NRXN3: variants seen among roughly 807,000 people sequenced by gnomAD.
NRXN3 encodes neurexin III.
In NRXN3, 32 loss-of-function variants were observed where a neutral mutation model predicts 137.6. That is an observed-to-expected ratio of 0.23 (90% CI 0.18 to 0.31). The LOEUF (loss-of-function observed/expected upper bound fraction) is 0.31, where lower values mean the gene tolerates loss of function less well. Among genes scored for constraint, NRXN3 ranks in the 10% least tolerant of loss-of-function variants. The pLI, the probability that NRXN3 is intolerant of heterozygous loss-of-function variation, is 1.00. For synonymous variants in NRXN3, 798 were observed against 784.5 expected, an observed-to-expected ratio of 1.02 and a Z score of -0.29; for missense variants, 1,574 against 2,062.5, an observed-to-expected ratio of 0.76 and a Z score of 4.59.
At chr14:79,375,628 T>C (rs1020762199) in intron 15 of NRXN3, among the ~76,000 whole-genome samples, 30 of 152,136 alleles carry the variant, frequency 2.0e-4, no homozygotes, top group Non-Finnish European at 7.3e-5. Flanking sequence ...TTCCGATGAC[T>C]GGCTTGCCCT....
chr14:78,326,709 G>GTTAC (rs752446500), intron 4 of NRXN3, among the ~76,000 whole-genome samples: 5 of 152,206 alleles, frequency 3.3e-5, no homozygotes, highest in Admixed American at 6.5e-5. Context: ...TCGCTCTGAA[G>GTTAC]TTACACATTT....
At chr14:78,564,527 C>T (rs1348739433) in intron 4 of NRXN3, among the ~76,000 whole-genome samples, 2 of 152,208 alleles carry the variant, frequency 1.3e-5, no homozygotes, top group Non-Finnish European at 2.9e-5. Flanking sequence ...TACTCCTCAC[C>T]TATGGGACAT....
intron 20 of NRXN3, among the ~76,000 whole-genome samples, chr14:79,816,350 C>T (rs1255109746): frequency 1.3e-5 from 2 of 152,158 alleles, no homozygotes; most frequent in Non-Finnish European, 2.9e-5. Flanking sequence ...TCGGGTTTCC[C>T]TATTGCCTCA....
intron 10 of NRXN3, among the ~76,000 whole-genome samples, chr14:78,906,957 A>C (rs2099219232): frequency 6.6e-6 from 1 of 152,022 alleles, no homozygotes; most frequent in Non-Finnish European, 1.5e-5. Flanking sequence ...AGAATATGGT[A>C]AAATAATTCG....
chr14:79,351,904 A>G (rs1195094647), intron 15 of NRXN3, among the ~76,000 whole-genome samples: 4 of 152,204 alleles, frequency 2.6e-5, no homozygotes, highest in Non-Finnish European at 5.9e-5. Context: ...TCATTTATGC[A>G]TGCAGACTTT....
chr14:78,171,422 T>C (rs1225245095), intron 1 of NRXN3, among the ~76,000 whole-genome samples: 1 of 152,104 alleles, frequency 6.6e-6, no homozygotes, highest in Non-Finnish European at 1.5e-5. Context: ...GCCTTCCATT[T>C]GTTTATATTA....
intron 20 of NRXN3, among the ~76,000 whole-genome samples, chr14:79,833,766 T>C (rs928658910): frequency 2.0e-5 from 3 of 152,140 alleles, no homozygotes; most frequent in South Asian, 2.1e-4. Flanking sequence ...AAGTTCTTAA[T>C]TGACATACTC....
intron 19 of NRXN3, among the ~76,000 whole-genome samples, chr14:79,786,419 G>A (rs2099129578): frequency 6.6e-6 from 1 of 152,170 alleles, no homozygotes; most frequent in Non-Finnish European, 1.5e-5. Context: ...TTGGACCTAT[G>A]TGTGCCGAGC....
intron 4 of NRXN3, among the ~76,000 whole-genome samples, chr14:78,600,431 C>T (rs2152433341): frequency 6.6e-6 from 1 of 152,324 alleles, no homozygotes; most frequent in Non-Finnish European, 1.5e-5. Flanking sequence ...AATACCGTTC[C>T]CAATGTTTGT....
At chr14:78,886,217 C>T (rs1352583048) in intron 10 of NRXN3, among the ~76,000 whole-genome samples, 1 of 152,102 alleles carries the variant, frequency 6.6e-6, no homozygotes, top group East Asian at 1.9e-4. Context: ...ATCCTTATTA[C>T]TCAGATCCAT....
chr14:78,468,353 G>A (rs539051532), intron 4 of NRXN3, among the ~76,000 whole-genome samples: 1 of 152,270 alleles, frequency 6.6e-6, no homozygotes, highest in Admixed American at 6.5e-5. Context: ...AGTTGCACGT[G>A]GGCTTGTTGG....
chr14:78,875,792 G>T (rs932160824), intron 10 of NRXN3, among the ~76,000 whole-genome samples: 2 of 152,202 alleles, frequency 1.3e-5, no homozygotes, highest in African/African-American at 2.4e-5. Context: ...AGCATTCATT[G>T]TGGGTGTTCA....
At chr14:79,398,787 ATCACCTGAGG>A (rs2095100906) in intron 15 of NRXN3, among the ~76,000 whole-genome samples, 1 of 152,104 alleles carries the variant, frequency 6.6e-6, no homozygotes, top group Non-Finnish European at 1.5e-5. Flanking sequence ...AGTCAGGCAG[ATCACCTGAGG>A]TCAGGAGTTC....
intron 15 of NRXN3, among the ~76,000 whole-genome samples, chr14:79,284,343 CAT>C (rs60596302): frequency 0.14 from 8,901 of 64,562 alleles, 300 homozygotes; most frequent in Non-Finnish European, 0.17. Context: ...ACTAAAAATA[CAT>C]ATATATATAT....
intron 19 of NRXN3, among the ~76,000 whole-genome samples, chr14:79,781,855 G>A (rs75616767): frequency 0.02 from 3,067 of 152,250 alleles, 48 homozygotes; most frequent in East Asian, 0.084. Context: ...CTATTTACTT[G>A]TCTATTCTAT....
At chr14:79,371,590 C>T (rs2094112609) in intron 15 of NRXN3, among the ~76,000 whole-genome samples, 3 of 151,988 alleles carry the variant, frequency 2.0e-5, no homozygotes. Flanking sequence ...GGAAGGAAAC[C>T]CATTCACATG....
At chr14:79,093,958 G>A (rs917691823) in intron 15 of NRXN3, among the ~76,000 whole-genome samples, 4 of 151,858 alleles carry the variant, frequency 2.6e-5, no homozygotes, top group African/African-American at 9.7e-5. Context: ...GTGAGATAGA[G>A]ATTGCTATGA....
intron 15 of NRXN3, among the ~76,000 whole-genome samples, chr14:79,004,204 AT>A (rs1308724184): frequency 6.6e-6 from 1 of 152,132 alleles, no homozygotes; most frequent in East Asian, 1.9e-4. Flanking sequence ...GTAAAATGTG[AT>A]TCATTTACTT....
At chr14:79,383,268 C>T (rs960647899) in intron 15 of NRXN3, among the ~76,000 whole-genome samples, 4 of 152,052 alleles carry the variant, frequency 2.6e-5, no homozygotes, top group African/African-American at 7.2e-5. Flanking sequence ...TGGCACCCAA[C>T]CCTCCTATGC....
Sources: gnomAD v4.1 joint callset for allele counts (sites outside exome capture counted in the v4.1 genomes callset) on GRCh38, gnomAD v4.1.1 for gene constraint, MANE v1.5 for transcripts, NCBI Gene and HGNC (gene_info 2026-07-23, HGNC 2026-07-21) for gene names.